The following RIN3 variants were observed in gnomAD, a reference collection of about 807,000 sequenced individuals.
RIN3 encodes the protein Ras and Rab interactor 3.
A neutral mutation model predicts 76.3 loss-of-function variants in RIN3; 54 were observed. That is an observed-to-expected ratio of 0.71 (90% CI 0.57 to 0.89). RIN3 has a LOEUF of 0.89. Ranked by LOEUF, RIN3 falls within the 40% of genes least tolerant of loss-of-function variation. The pLI is 0.00. For synonymous variants in RIN3, 576 were observed against 564.0 expected, an observed-to-expected ratio of 1.02 and a Z score of -0.30; for missense variants, 1,256 against 1,322.1, an observed-to-expected ratio of 0.95 and a Z score of 0.78.
chr14:92,605,395 G>A (rs570709804), intron 3 of RIN3, among the ~76,000 whole-genome samples: 1 of 152,270 alleles, frequency 6.6e-6, no homozygotes, highest in South Asian at 2.1e-4. Context: ...GGATCTCTGG[G>A]GTTAACAAAG....
chr14:92,549,757 G>A (rs1431990311), intron 1 of RIN3, among the ~76,000 whole-genome samples: 1 of 152,234 alleles, frequency 6.6e-6, no homozygotes, highest in Non-Finnish European at 1.5e-5. Context: ...GTTCTGGGTG[G>A]GTGTCCGGCG....
chr14:92,584,174 A>G (rs915201807), intron 3 of RIN3, among the ~76,000 whole-genome samples: 1 of 152,152 alleles, frequency 6.6e-6, no homozygotes, highest in Non-Finnish European at 1.5e-5. Flanking sequence ...GGGTCTTGAA[A>G]CCAACCCCCC....
At chr14:92,546,061 G>A (rs537497562) in intron 1 of RIN3, among the ~76,000 whole-genome samples, 4 of 152,158 alleles carry the variant, frequency 2.6e-5, no homozygotes, top group African/African-American at 9.6e-5. Context: ...TAGTAGCTGG[G>A]ATTACAGGCA....
chr14:92,587,002 G>A (rs1198946965), intron 3 of RIN3, among the ~76,000 whole-genome samples: 1 of 152,224 alleles, frequency 6.6e-6, no homozygotes, highest in African/African-American at 2.4e-5. Flanking sequence ...GGAAAGGGTA[G>A]AACTCTGTTG....
Position 92,513,861 on chromosome 14 carries a change from G to T in RIN3, c.-72G>T. 2 of 1,137,420 alleles carry T rather than the reference G, an allele frequency of 1.8e-6. No individual in the cohort carries two copies. The highest frequency in any genetic ancestry group is 2.2e-6 in the Non-Finnish European group (2 of 897,890). The allele number at this position is 1,137,420 out of a possible 1,614,324, so 70.5% of individuals were successfully genotyped here. Reference sequence around the variant, plus strand: ...GGGCCAGAGCCAGGGACATGCGGGCGCCCGGGACTCCGCGTTCCGCGCGGC... The same window carrying T: ...GGGCCAGAGCCAGGGACATGCGGGCTCCCGGGACTCCGCGTTCCGCGCGGC... On this transcript the variant is annotated 5_prime_UTR_variant, in exon 1 of 10. Coordinates refer to ENST00000216487, the MANE Select transcript of RIN3 (RefSeq NM_024832.5).
intron 3 of RIN3, among the ~76,000 whole-genome samples, chr14:92,609,852 T>G (rs1885660771): frequency 1.0e-5 from 1 of 95,716 alleles, no homozygotes; most frequent in South Asian, 3.6e-4. Flanking sequence ...TCTGTGTGTG[T>G]GTGTGTGTGT....
At chr14:92,650,869 A>G (rs1736406995) in intron 5 of RIN3, 1 of 152,286 alleles carries the variant, frequency 6.6e-6, no homozygotes, top group Non-Finnish European at 1.5e-5. Flanking sequence ...ACTCAGCTCC[A>G]CGGTGCAGGA....
chr14:92,513,961 G>A lies in RIN3; in HGVS notation c.29G>A (p.Arg10His). 8.0e-7 allele frequency: 1 copy of A among 1,244,828 alleles called. No homozygotes were observed. Among genetic ancestry groups the A allele is most frequent in the Non-Finnish European group, 1.0e-6 (1 of 994,618 alleles). The allele number at this position is 1,244,828 out of a possible 1,614,324, so 77.1% of individuals were successfully genotyped here. The change falls in exon 1 of 10, where the codon CGC (arginine) becomes CAC (histidine). Residue 10 changes from arginine to histidine, a missense_variant. Arg to His is a conservative substitution (Grantham distance 29). Coordinates refer to ENST00000216487, the MANE Select transcript of RIN3 (RefSeq NM_024832.5). MIRHAGAPA[R>H]GDPTGPVPVV... Reference sequence around the variant, plus strand: ...ATCCGACACGCCGGGGCGCCCGCGCGCGGGGACCCCACGGGGTAAGTCCGG... The same window carrying A: ...ATCCGACACGCCGGGGCGCCCGCGCACGGGGACCCCACGGGGTAAGTCCGG...
At chr14:92,547,152 T>G (rs1897295518) in intron 1 of RIN3, among the ~76,000 whole-genome samples, 1 of 62,286 alleles carries the variant, frequency 1.6e-5, no homozygotes, top group African/African-American at 5.9e-5. Flanking sequence ...ATCTTTATTT[T>G]ATTATTATAA....
chr14:92,652,513 G>C lies in RIN3; in HGVS notation c.1464G>C (p.Met488Ile). Reference protein sequence around the residue: ...LENAELCTQAMALETPTPGPP... With the variant: ...LENAELCTQAIALETPTPGPP... The stretch of plus-strand genomic sequence containing the variant: ...ACGCTGAGCTCTGCACACAGGCGAT[G>C]GCCTTGGAGACACCCACGCCGGGTC... Residue 488 changes from methionine to isoleucine, a missense_variant, in exon 6 of 10, where the codon ATG becomes ATC. Physicochemically the swap from Met to Ile is conservative, Grantham distance 10 (BLOSUM62 1). This residue lies in a region of RIN3 where 428 missense variants were observed against 521.2 expected (regional missense o/e 0.82). Coordinates refer to ENST00000216487, the MANE Select transcript of RIN3 (RefSeq NM_024832.5). The surrounding 1 kb of genome is among the most constrained non-coding windows in gnomAD (Gnocchi z 6.4). The C allele has an allele frequency of 6.2e-7, 1 of 1,613,990 alleles. No homozygotes were observed. The highest frequency in any genetic ancestry group is 8.5e-7 in the Non-Finnish European group (1 of 1,180,024).
chr14:92,601,544 C>T (rs764766996), intron 3 of RIN3, among the ~76,000 whole-genome samples: 7 of 152,162 alleles, frequency 4.6e-5, no homozygotes, highest in Non-Finnish European at 1.0e-4. Context: ...CCTTCTGTGG[C>T]ACTCAGGGCT....
chr14:92,680,368 T>A (rs992876254), intron 8 of RIN3, among the ~76,000 whole-genome samples: 15 of 151,958 alleles, frequency 9.9e-5, no homozygotes, highest in Non-Finnish European at 1.8e-4. Context: ...CCTGGCTAAT[T>A]TTTGTATTTT....
chr14:92,564,224 T>C (rs1365906766), intron 2 of RIN3, among the ~76,000 whole-genome samples: 1 of 152,178 alleles, frequency 6.6e-6, no homozygotes, highest in Non-Finnish European at 1.5e-5. Flanking sequence ...AAAATCCAAA[T>C]GTATTTATTT....
chr14:92,673,966 C>T (rs1888374765), intron 7 of RIN3, among the ~76,000 whole-genome samples: 1 of 152,218 alleles, frequency 6.6e-6, no homozygotes, highest in Non-Finnish European at 1.5e-5. Context: ...ATTTTAGATA[C>T]AGTCGTTGTT....
Position 92,688,187 on chromosome 14 carries a change from G to A in RIN3, c.2893G>A (p.Gly965Ser), listed in dbSNP as rs1387919290. The change falls in exon 10 of 10, where the codon GGT (glycine) becomes AGT (serine). Residue 965 changes from glycine to serine, a missense_variant. Physicochemically the swap from Gly to Ser is moderately conservative, Grantham distance 56. This residue lies in a region of RIN3 where 218 missense variants were observed against 174.5 expected (regional missense o/e 1.25). Coordinates refer to ENST00000216487, the MANE Select transcript of RIN3 (RefSeq NM_024832.5). Reference protein sequence around the residue: ...DFHFVYRPLDGGGGGGGGSPP... With the variant: ...DFHFVYRPLDSGGGGGGGSPP... ...CCACTTTGTCTACCGGCCCCTGGAC[G>A]GTGGTGGCGGCGGCGGCGGCGGGAG... 2 of 1,535,374 alleles carry A rather than the reference G, an allele frequency of 1.3e-6. No homozygotes were observed. The highest frequency in any genetic ancestry group is 8.7e-7 in the Non-Finnish European group (1 of 1,149,124).
rs2140182326 is a variant in RIN3 at position 92,687,973 on chromosome 14, G to A, written c.2679G>A (p.Thr893=). ...TGGAGCCCGAGCAGCAGGCGCGGAC[G>A]CTGGCGTCGCGGGCGGACACCCAGG... is the stretch of plus-strand genomic sequence containing the variant. The part of the protein sequence containing the change: ...SYLEPEQQAR[T]LASRADTQAQ... Residue 893 remains threonine (T), a synonymous_variant, in exon 10 of 10, where the codon ACG becomes ACA. Transcript: ENST00000216487. The A allele has an allele frequency of 2.6e-6, 4 of 1,558,808 alleles. No individual in the cohort carries two copies. The East Asian group carries it at 7.2e-5, about 28-fold the overall frequency.
intron 1 of RIN3, among the ~76,000 whole-genome samples, chr14:92,551,314 C>T (rs759961983): frequency 1.1e-4 from 16 of 152,182 alleles, no homozygotes; most frequent in East Asian, 1.9e-4. Flanking sequence ...ACTACTGACC[C>T]GTTGTGTGGA....
chr14:92,527,332 G>A (rs1254140290), intron 1 of RIN3, among the ~76,000 whole-genome samples: 8 of 152,032 alleles, frequency 5.3e-5, no homozygotes, highest in Admixed American at 1.3e-4. Flanking sequence ...GATTACAGGC[G>A]TGAGCCACTG....
chr14:92,631,475 C>G (rs1330097979), intron 4 of RIN3, among the ~76,000 whole-genome samples: 1 of 152,206 alleles, frequency 6.6e-6, no homozygotes, highest in Non-Finnish European at 1.5e-5. Context: ...CGTAAGGGCT[C>G]TAGAGAGGGT....
Sources: allele counts gnomAD v4.1 joint callset (sites outside exome capture counted in the v4.1 genomes callset), GRCh38; gene constraint gnomAD v4.1.1; regional missense constraint gnomAD v4.1.1; non-coding constraint Gnocchi (gnomAD v3.1); transcripts MANE v1.5; gene names NCBI Gene and HGNC (gene_info 2026-07-23, HGNC 2026-07-21).